Variants in CSNK1G1 observed in about 807,000 individuals in gnomAD.
CSNK1G1 encodes casein kinase I isoform gamma-1.
Under a neutral mutation model 59.6 loss-of-function variants are expected in CSNK1G1, and 22 were observed. The observed-to-expected ratio is 0.37, with a 90% CI of 0.26 to 0.53. CSNK1G1 has a LOEUF of 0.53. Among genes scored for constraint, CSNK1G1 ranks in the 20% least tolerant of loss-of-function variants. The pLI is 0.89. For synonymous variants in CSNK1G1, 179 were observed against 177.1 expected, an observed-to-expected ratio of 1.01 and a Z score of -0.08; for missense variants, 384 against 519.5, an observed-to-expected ratio of 0.74 and a Z score of 2.54.
Position 64,213,877 on chromosome 15 carries a change from G to C in CSNK1G1, c.679+13C>G. ...AATGACTCGCCCCTTTCATGGAACA[G>C]AAAAAAACACACCTTTGCCAAGATG... On this transcript the variant is annotated intron_variant, in intron 6 of 11. Transcript: ENST00000303052. 2.5e-6 allele frequency: 4 copies of C among 1,583,658 alleles called. No individual in the cohort carries two copies. In the South Asian group the frequency reaches 4.4e-5, roughly 18 times the overall value.
intron 10 of CSNK1G1, chr15:64,189,616 T>A (rs2081942794): frequency 2.8e-6 from 1 of 355,588 alleles, no homozygotes; most frequent in African/African-American, 2.2e-5. Flanking sequence ...CAGAAAGGAC[T>A]ATAAATCTTA....
intron 2 of CSNK1G1, 43 bp from the exon 3 acceptor site, chr15:64,259,284 C>T (rs1389576980): frequency 1.4e-6 from 2 of 1,479,542 alleles, no homozygotes; most frequent in African/African-American, 2.8e-5. Flanking sequence ...GACATTTATT[C>T]TGGGAAAAGC....
At chr15:64,205,142 C>G (rs2082159882) in intron 7 of CSNK1G1, among the ~76,000 whole-genome samples, 193 bp from the exon 8 acceptor site, 2 of 152,162 alleles carry the variant, frequency 1.3e-5, no homozygotes, top group Middle Eastern at 3.4e-3. Flanking sequence ...CTGCTGTGTT[C>G]TGGAAAATTT....
intron 1 of CSNK1G1, among the ~76,000 whole-genome samples, chr15:64,329,437 C>G (rs1207380191): frequency 0.014 from 1,976 of 139,332 alleles, 40 homozygotes; most frequent in African/African-American, 0.044. Context: ...GGGTACATAA[C>G]GAAATGAAGG....
intron 4 of CSNK1G1, among the ~76,000 whole-genome samples, chr15:64,242,034 T>C (rs1359337735): frequency 6.6e-6 from 1 of 152,076 alleles, no homozygotes; most frequent in African/African-American, 2.4e-5. Flanking sequence ...TTACAACTGA[T>C]ACCACAGAAA....
chr15:64,195,397 G>A (rs1007809065), intron 10 of CSNK1G1, among the ~76,000 whole-genome samples: 7 of 152,140 alleles, frequency 4.6e-5, no homozygotes, highest in Non-Finnish European at 8.8e-5. Context: ...AAAAGGAGAC[G>A]CTATCATAAC....
At chr15:64,332,130 T>C (rs1275713324) in intron 1 of CSNK1G1, among the ~76,000 whole-genome samples, 2 of 122,274 alleles carry the variant, frequency 1.6e-5, no homozygotes, top group Admixed American at 8.9e-5. Flanking sequence ...TCCTCAGGGA[T>C]CTAGAACTAG....
At chr15:64,320,274 C>T (rs1896489963) in intron 1 of CSNK1G1, among the ~76,000 whole-genome samples, 1 of 152,046 alleles carries the variant, frequency 6.6e-6, no homozygotes, top group Non-Finnish European at 1.5e-5. Context: ...TTACAACGCT[C>T]AGAAGTACCG....
chr15:64,334,967 C>T (rs1019055703), intron 1 of CSNK1G1, among the ~76,000 whole-genome samples: 3 of 152,124 alleles, frequency 2.0e-5, no homozygotes, highest in African/African-American at 7.2e-5. Flanking sequence ...GCTTAGAGAC[C>T]ACAATATTAT....
At chr15:64,305,980 G>A (rs760194920) in intron 1 of CSNK1G1, among the ~76,000 whole-genome samples, 7 of 151,938 alleles carry the variant, frequency 4.6e-5, no homozygotes, top group Non-Finnish European at 8.8e-5. Flanking sequence ...TACATCTTTC[G>A]CAAAAATAAA....
chr15:64,188,302 G>T lies in CSNK1G1; in HGVS notation c.1108-7848C>A. The T allele has an allele frequency of 9.1e-7, 1 of 1,103,456 alleles. No homozygotes were observed. Among genetic ancestry groups the T allele is most frequent in the Non-Finnish European group, 1.3e-6 (1 of 776,692 alleles). The allele number at this position is 1,103,456 out of a possible 1,614,324, so 68.4% of individuals were successfully genotyped here. On this transcript the variant is annotated intron_variant, in intron 10 of 11. Coordinates refer to ENST00000303052, the MANE Select transcript of CSNK1G1 (RefSeq NM_022048.5). The surrounding 1 kb of genome is among the most constrained non-coding windows in gnomAD (Gnocchi z 4.2). ...AAGCTTCCTTTCTAAGGCTGCCGAA[G>T]GTTCAGAAGCAAGCCAACATTCCAC...
In CSNK1G1 at chr15:64,222,436, C is replaced by CAAAAAAAAA. The variant is rs1567381566; in HGVS notation, c.293-5724_293-5723insTTTTTTTTT. On this transcript the variant is annotated intron_variant, in intron 4 of 11. Transcript: ENST00000303052. ...TAAAGAAATAACAACAACAACACCACCAAAAAAAAAAAAAAAAAAAAAAGA... is the reference window on the plus strand; with the variant it reads ...TAAAGAAATAACAACAACAACACCACAAAAAAAAACAAAAAAAAAAAAAAAAAAAAAAGA... Among the ~76,000 whole-genome samples, 4 of 114,674 alleles carry CAAAAAAAAA rather than the reference C, an allele frequency of 3.5e-5. 1 individual carries two copies. The highest frequency in any genetic ancestry group is 3.6e-5 in the African/African-American group (1 of 27,976). 75.2% of individuals were successfully genotyped at this position (114,674 alleles called of 152,430 possible).
intron 4 of CSNK1G1, among the ~76,000 whole-genome samples, chr15:64,241,925 A>T (rs982030129): frequency 1.7e-4 from 26 of 151,674 alleles, no homozygotes; most frequent in Non-Finnish European, 2.9e-4. Context: ...TGTTTTTTTA[A>T]AAAAAAAGAT....
intron 1 of CSNK1G1, among the ~76,000 whole-genome samples, chr15:64,337,698 T>C (rs1255029974): frequency 6.6e-6 from 1 of 152,166 alleles, no homozygotes; most frequent in African/African-American, 2.4e-5. Context: ...TACAATTCAG[T>C]GGCATGAAAA....
chr15:64,237,567 C>T (rs1195854986), intron 4 of CSNK1G1, among the ~76,000 whole-genome samples: 3 of 152,088 alleles, frequency 2.0e-5, no homozygotes. Context: ...AGTAAAATTC[C>T]CATTTTTTCT....
intron 1 of CSNK1G1, among the ~76,000 whole-genome samples, chr15:64,323,702 C>T (rs1026920574): frequency 6.6e-6 from 1 of 152,086 alleles, no homozygotes. Flanking sequence ...AACAATTTCA[C>T]CCATCCAATT....
intron 4 of CSNK1G1, among the ~76,000 whole-genome samples, chr15:64,245,254 T>C (rs1891689631): frequency 6.6e-6 from 1 of 152,126 alleles, no homozygotes; most frequent in Non-Finnish European, 1.5e-5. Flanking sequence ...ACAAATGGAA[T>C]TTCAGCAAGC....
rs747874808 is a variant in CSNK1G1 at position 64,246,639 on chromosome 15, A to G, written c.292+4873T>C. Among the ~76,000 whole-genome samples the G allele has an allele frequency of 4.5e-3, 398 of 88,900 alleles. 1 individual carries two copies. Among genetic ancestry groups the G allele is most frequent in the Non-Finnish European group, 5.5e-3 (247 of 44,992 alleles). The allele number at this position is 88,900 out of a possible 152,430, so 58.3% of individuals were successfully genotyped here. A position where few individuals can be genotyped will look rare whatever the true frequency, so the allele number is the denominator to read the frequency against. ...GTCCGTCTCTTTAAAAAAAAAAAAA[A>G]GGGGGGGGGGGAGGAATCTTGTCAT... On this transcript the variant is annotated intron_variant, in intron 4 of 11. Transcript: ENST00000303052.
chr15:64,253,921 C>T (rs62021604), intron 3 of CSNK1G1, among the ~76,000 whole-genome samples: 21,672 of 151,958 alleles, frequency 0.14, 2,858 homozygotes, highest in African/African-American at 0.35. Flanking sequence ...GGGTGGATTG[C>T]CTGAGCTCAG....
Sources: gnomAD v4.1 joint callset for allele counts (sites outside exome capture counted in the v4.1 genomes callset) on GRCh38, gnomAD v4.1.1 for gene constraint, Gnocchi (gnomAD v3.1) non-coding constraint, MANE v1.5 for transcripts, NCBI Gene and HGNC (gene_info 2026-07-23, HGNC 2026-07-21) for gene names.